The following VEGFC variants were observed in gnomAD, a reference collection of about 807,000 sequenced individuals.
VEGFC encodes vascular endothelial growth factor C.
Under a neutral mutation model 46.1 loss-of-function variants are expected in VEGFC, and 12 were observed. That is an observed-to-expected ratio of 0.26 (90% CI 0.17 to 0.42). The LOEUF (loss-of-function observed/expected upper bound fraction) is 0.42. Among genes scored for constraint, VEGFC ranks in the 10% least tolerant of loss-of-function variants. The pLI, the probability that VEGFC is intolerant of heterozygous loss-of-function variation, is 1.00. For synonymous variants in VEGFC, 232 were observed against 195.5 expected, an observed-to-expected ratio of 1.19 and a Z score of -1.56; for missense variants, 488 against 529.4, an observed-to-expected ratio of 0.92 and a Z score of 0.77.
At chr4:176,736,565 C>T (rs192532793) in intron 1 of VEGFC, among the ~76,000 whole-genome samples, 64 of 151,628 alleles carry the variant, frequency 4.2e-4, no homozygotes, top group Non-Finnish European at 7.1e-4. Flanking sequence ...GCTTAGTACA[C>T]GTAACACTTC....
intron 1 of VEGFC, among the ~76,000 whole-genome samples, chr4:176,784,658 C>A (rs1735971294): frequency 6.9e-6 from 1 of 145,032 alleles, no homozygotes; most frequent in African/African-American, 2.5e-5. Flanking sequence ...GAGGCTGAGG[C>A]AGGAGAATGG....
At chr4:176,741,655 T>C (rs191182661) in intron 1 of VEGFC, among the ~76,000 whole-genome samples, 3 of 152,070 alleles carry the variant, frequency 2.0e-5, no homozygotes, top group Admixed American at 6.6e-5. Context: ...ACATGTATAT[T>C]GCAAATTGAA....
At chr4:176,760,008 G>T (rs1238425684) in intron 1 of VEGFC, among the ~76,000 whole-genome samples, 1 of 152,060 alleles carries the variant, frequency 6.6e-6, no homozygotes, top group African/African-American at 2.4e-5. Context: ...ATTAAAAATA[G>T]TTAATAACAA....
intron 1 of VEGFC, among the ~76,000 whole-genome samples, chr4:176,741,972 C>T (rs1204931564): frequency 5.3e-5 from 8 of 151,592 alleles, no homozygotes; most frequent in Non-Finnish European, 1.2e-4. Flanking sequence ...TTTTTGTTTG[C>T]TTGTTAATTT....
chr4:176,729,910 G>A (rs759309410), intron 1 of VEGFC, among the ~76,000 whole-genome samples, 164 bp from the exon 2 acceptor site: 1 of 151,954 alleles, frequency 6.6e-6, no homozygotes, highest in African/African-American at 2.4e-5. Context: ...AATTATATTT[G>A]TATTTTAATT....
intron 4 of VEGFC, among the ~76,000 whole-genome samples, chr4:176,706,556 G>C (rs1015047389): frequency 3.4e-5 from 5 of 147,854 alleles, no homozygotes; most frequent in Non-Finnish European, 7.4e-5. Flanking sequence ...AACCCAGGAG[G>C]AGGAGGTTGC....
chr4:176,727,655 A>ATT, intron 3 of VEGFC, 123 bp downstream of exon 3: 1 of 855,584 alleles, frequency 1.2e-6, no homozygotes, highest in Non-Finnish European at 1.6e-6. Flanking sequence ...CCTAAAGAAA[A>ATT]TATGAGACCC....
intron 4 of VEGFC, 121 bp downstream of exon 4, chr4:176,711,378 T>C (rs1264884591): frequency 5.2e-6 from 6 of 1,155,672 alleles, no homozygotes; most frequent in Non-Finnish European, 6.9e-6. Flanking sequence ...CTTTGTTTTG[T>C]ATTTGAAGCA....
intron 1 of VEGFC, among the ~76,000 whole-genome samples, chr4:176,787,323 G>A (rs1357444844): frequency 6.6e-6 from 1 of 151,994 alleles, no homozygotes; most frequent in East Asian, 1.9e-4. Context: ...CTGCTCTAGT[G>A]GCACATGCCT....
chr4:176,728,162 G>A (rs1417906730), intron 2 of VEGFC, among the ~76,000 whole-genome samples, 194 bp from the exon 3 acceptor site: 2 of 152,116 alleles, frequency 1.3e-5, no homozygotes, highest in African/African-American at 4.8e-5. Context: ...ACAAGCTAAG[G>A]ATATTTCTTA....
At position 176,728,029 on chromosome 4, in the gene VEGFC, C is replaced by A. The variant is rs1734902598; in HGVS notation, c.362-61G>T. ...AAACCACCAAGATAAAAAAAGCCCACAGCAGCTGCAAATCACTCACATTCA... is the reference window on the plus strand; with the variant it reads ...AAACCACCAAGATAAAAAAAGCCCAAAGCAGCTGCAAATCACTCACATTCA... On this transcript the variant is annotated intron_variant, in intron 2 of 6. Coordinates refer to ENST00000618562, the MANE Select transcript of VEGFC (RefSeq NM_005429.5). 3 of 1,381,772 alleles carry A rather than the reference C, an allele frequency of 2.2e-6. No homozygotes were observed. In the Admixed American group the frequency reaches 6.9e-5, roughly 32 times the overall value. 85.6% of individuals were successfully genotyped at this position (1,381,772 alleles called of 1,614,324 possible).
At chr4:176,755,864 T>A (rs535378943) in intron 1 of VEGFC, among the ~76,000 whole-genome samples, 2 of 152,190 alleles carry the variant, frequency 1.3e-5, no homozygotes, top group Non-Finnish European at 2.9e-5. Context: ...TGTATCAGGT[T>A]AAGTAATGCA....
chr4:176,783,311 T>C (rs1579142306), intron 1 of VEGFC, among the ~76,000 whole-genome samples: 1 of 152,212 alleles, frequency 6.6e-6, no homozygotes, highest in African/African-American at 2.4e-5. Flanking sequence ...CTCTGGCATA[T>C]AGCATTCTCC....
chr4:176,686,501 G>A (rs1012191801), intron 6 of VEGFC, among the ~76,000 whole-genome samples: 2 of 152,138 alleles, frequency 1.3e-5, no homozygotes, highest in Non-Finnish European at 2.9e-5. Context: ...AAGAAAGAAG[G>A]AATGGCATGA....
intron 1 of VEGFC, among the ~76,000 whole-genome samples, chr4:176,771,308 G>A (rs902259626): frequency 5.9e-5 from 9 of 152,012 alleles, no homozygotes; most frequent in Non-Finnish European, 1.2e-4. Context: ...ACTGACCAAC[G>A]GAAAATATCT....
intron 4 of VEGFC, among the ~76,000 whole-genome samples, chr4:176,704,258 C>T (rs1398284459): frequency 2.0e-5 from 3 of 152,094 alleles, no homozygotes; most frequent in African/African-American, 7.2e-5. Context: ...ATATTGATTT[C>T]CCCACAGTTT....
At chr4:176,722,449 G>T (rs553223153) in intron 3 of VEGFC, among the ~76,000 whole-genome samples, 4 of 150,734 alleles carry the variant, frequency 2.7e-5, no homozygotes, top group Non-Finnish European at 5.9e-5. Flanking sequence ...AGCACTAAAT[G>T]CTCATCTTAC....
intron 1 of VEGFC, among the ~76,000 whole-genome samples, chr4:176,775,424 T>G (rs967189842): frequency 2.0e-5 from 3 of 152,314 alleles, no homozygotes; most frequent in Non-Finnish European, 4.4e-5. Flanking sequence ...TATTTAAAAT[T>G]GTGTTGGACA....
chr4:176,710,356 G>A (rs2110997916), intron 4 of VEGFC, among the ~76,000 whole-genome samples: 1 of 152,204 alleles, frequency 6.6e-6, no homozygotes, highest in East Asian at 1.9e-4. Flanking sequence ...GATGGTAGTG[G>A]TCTCTTGCTT....
Sources: allele counts gnomAD v4.1 joint callset (sites outside exome capture counted in the v4.1 genomes callset), GRCh38; gene constraint gnomAD v4.1.1; transcripts MANE v1.5; gene names NCBI Gene and HGNC (gene_info 2026-07-23, HGNC 2026-07-21).